MCTP2: variants seen among roughly 807,000 people sequenced by gnomAD.
The protein encoded by MCTP2 is multiple C2 and transmembrane domain-containing protein 2.
A neutral mutation model predicts 111.6 loss-of-function variants in MCTP2; 132 were observed. That is an observed-to-expected ratio of 1.18 (90% CI 1.03 to 1.37). The LOEUF (loss-of-function observed/expected upper bound fraction) is 1.37, where lower values mean the gene tolerates loss of function less well. Among genes scored for constraint, MCTP2 ranks in the 40% most tolerant of loss-of-function variants. MCTP2 has a pLI of 0.00. For missense variants in MCTP2, 1,183 were observed against 1,067.9 expected (o/e 1.11, Z -1.50); for synonymous variants, 395 against 387.7 (o/e 1.02, Z -0.22).
At chr15:94,444,406 A>G (rs1053861416) in intron 19 of MCTP2, among the ~76,000 whole-genome samples, 1 of 152,214 alleles carries the variant, frequency 6.6e-6, no homozygotes, top group East Asian at 1.9e-4. Context: ...TGTTTAAGTC[A>G]ATCTCTGGCC....
chr15:94,273,836 G>C, intron 1 of MCTP2: 1 of 221,410 alleles, frequency 4.5e-6, no homozygotes, highest in Non-Finnish European at 1.0e-5. Flanking sequence ...GTGTGAGAGG[G>C]CCAACGGCAC....
intron 20 of MCTP2, among the ~76,000 whole-genome samples, chr15:94,468,859 C>G (rs1038878342): frequency 1.3e-4 from 20 of 152,138 alleles, no homozygotes; most frequent in African/African-American, 4.6e-4. Flanking sequence ...AACTTCTGAG[C>G]TCAAGTGATC....
chr15:94,275,288 A>G (rs1187708713), intron 1 of MCTP2, among the ~76,000 whole-genome samples: 1 of 152,130 alleles, frequency 6.6e-6, no homozygotes, highest in Non-Finnish European at 1.5e-5. Context: ...AGAATAAACA[A>G]GTCATAAGGA....
chr15:94,461,097 T>C (rs1489725927), intron 20 of MCTP2, among the ~76,000 whole-genome samples: 1 of 152,230 alleles, frequency 6.6e-6, no homozygotes, highest in Non-Finnish European at 1.5e-5. Flanking sequence ...TTACCTTCTC[T>C]AGTTACCTTC....
At chr15:94,360,295 TG>T (rs1343210244) in intron 10 of MCTP2, among the ~76,000 whole-genome samples, 1 of 152,202 alleles carries the variant, frequency 6.6e-6, no homozygotes, top group Non-Finnish European at 1.5e-5. Context: ...TGTGGTCCTG[TG>T]GTCCAGTCTT....
rs145066790 is a variant in MCTP2 at position 94,385,490 on chromosome 15, G to T, written c.1753G>T (p.Asp585Tyr). The change falls in exon 14 of 23, where the codon GAT (aspartate) becomes TAT (tyrosine). Residue 585 changes from aspartate to tyrosine, a missense_variant. Coordinates refer to ENST00000357742, the MANE Select transcript of MCTP2 (RefSeq NM_001385001.1). Reference sequence around the variant, plus strand: ...TGATGAAGATGGAGATAAACCCCCAGATTTTCTTGGAAAAGTTGCCATTCC... The same window carrying T: ...TGATGAAGATGGAGATAAACCCCCATATTTTCTTGGAAAAGTTGCCATTCC... ...VFDEDGDKPP[D>Y]FLGKVAIPLL... The T allele has an allele frequency of 2.4e-5, 39 of 1,613,236 alleles. No individual in the cohort carries two copies. In the South Asian group the frequency reaches 3.0e-4, roughly 12 times the overall value.
At chr15:94,401,671 C>G (rs1829691701) in intron 16 of MCTP2, among the ~76,000 whole-genome samples, 1 of 152,170 alleles carries the variant, frequency 6.6e-6, no homozygotes, top group Non-Finnish European at 1.5e-5. Context: ...TTGAAACAGG[C>G]TATTCTTTTT....
chr15:94,403,105 G>A, intron 17 of MCTP2: 2 of 986,340 alleles, frequency 2.0e-6, no homozygotes, highest in Non-Finnish European at 2.4e-6. Context: ...GCCATTGGGG[G>A]GTATTTTGTT....
intron 12 of MCTP2, among the ~76,000 whole-genome samples, chr15:94,379,989 T>C (rs530600160): frequency 6.6e-6 from 1 of 151,350 alleles, no homozygotes; most frequent in South Asian, 2.1e-4. Flanking sequence ...GAAGGACTTA[T>C]CCATTTCTGC....
At chr15:94,343,101 TATCTC>T (rs1302792185) in intron 7 of MCTP2, 8 of 151,480 alleles carry the variant, frequency 5.3e-5, no homozygotes, top group Non-Finnish European at 8.8e-5. Context: ...TGCCTACTCT[TATCTC>T]TTCTGATTGG....
chr15:94,367,179 C>A (rs2079228090), intron 10 of MCTP2, among the ~76,000 whole-genome samples: 1 of 151,642 alleles, frequency 6.6e-6, no homozygotes, highest in Non-Finnish European at 1.5e-5. Context: ...TTTCTCTTAT[C>A]TTTTTTTTTC....
At chr15:94,319,938 A>G (rs2076550431) in intron 4 of MCTP2, among the ~76,000 whole-genome samples, 1 of 152,206 alleles carries the variant, frequency 6.6e-6, no homozygotes, top group African/African-American at 2.4e-5. Flanking sequence ...TTGTTGCAAT[A>G]GGAAGTATCT....
chr15:94,402,544 G>GC lies in MCTP2; in HGVS notation c.2085+528dup, dbSNP rs1567634646. ...TGTACCCTTTTCTCTGGTGACATTGGCCCATCCTTATGAGCATAATAAAAT... is the reference window on the plus strand; with the variant it reads ...TGTACCCTTTTCTCTGGTGACATTGGCCCCATCCTTATGAGCATAATAAAAT... On this transcript the variant is annotated intron_variant, in intron 17 of 22. Transcript: ENST00000357742. 5 of 1,551,644 alleles carry GC rather than the reference G, an allele frequency of 3.2e-6. No individual in the cohort carries two copies. In the South Asian group the frequency reaches 5.9e-5, roughly 18 times the overall value.
At chr15:94,366,039 T>C (rs2152434317) in intron 10 of MCTP2, among the ~76,000 whole-genome samples, 1 of 152,344 alleles carries the variant, frequency 6.6e-6, no homozygotes, top group South Asian at 2.1e-4. Flanking sequence ...GACCTACTTT[T>C]CTAGAAATAA....
intron 17 of MCTP2, among the ~76,000 whole-genome samples, chr15:94,419,129 T>C (rs1341290148): frequency 2.0e-5 from 3 of 152,138 alleles, no homozygotes; most frequent in Non-Finnish European, 4.4e-5. Flanking sequence ...AATCGAGATG[T>C]CTGCCTACAA....
intron 1 of MCTP2, among the ~76,000 whole-genome samples, chr15:94,276,737 C>T (rs1254874874): frequency 1.5e-5 from 2 of 137,834 alleles, no homozygotes; most frequent in Admixed American, 7.2e-5. Flanking sequence ...ACTACATTAA[C>T]AGATAAAAGG....
chr15:94,451,221 T>G (rs2084434717), intron 19 of MCTP2, among the ~76,000 whole-genome samples: 1 of 152,218 alleles, frequency 6.6e-6, no homozygotes, highest in Non-Finnish European at 1.5e-5. Context: ...TCATATGATA[T>G]ATATTTTTAG....
chr15:94,331,652 G>A (rs185669171), intron 4 of MCTP2, among the ~76,000 whole-genome samples: 5 of 152,256 alleles, frequency 3.3e-5, no homozygotes, highest in Admixed American at 1.3e-4. Context: ...GAAAATTTCA[G>A]GTCACTGATT....
chr15:94,232,848 A>C (rs2070283962), intron 1 of MCTP2, among the ~76,000 whole-genome samples: 1 of 152,174 alleles, frequency 6.6e-6, no homozygotes, highest in African/African-American at 2.4e-5. Context: ...AATTGTCAAA[A>C]CCATGCTTAA....
Sources: gnomAD v4.1 joint callset for allele counts (sites outside exome capture counted in the v4.1 genomes callset) on GRCh38, gnomAD v4.1.1 for gene constraint, MANE v1.5 for transcripts, NCBI Gene and HGNC (gene_info 2026-07-23, HGNC 2026-07-21) for gene names.